ZNF254: variants seen among roughly 807,000 people sequenced by gnomAD.
ZNF254 encodes zinc finger protein 254.
A neutral mutation model predicts 12.4 loss-of-function variants in ZNF254; 10 were observed. The ratio of observed to expected loss-of-function variants is 0.80; its 90% CI spans 0.50 to 1.36. ZNF254 has a LOEUF of 1.36. Among genes scored for constraint, ZNF254 ranks in the 40% most tolerant of loss-of-function variants. The pLI, the probability that ZNF254 is intolerant of heterozygous loss-of-function variation, is 0.00. For missense variants in ZNF254, 996 were observed against 763.9 expected (o/e 1.30, Z -3.58); for synonymous variants, 305 against 253.4 (o/e 1.20, Z -1.93).
chr19:24,052,721 G>A (rs1970694821), intron 2 of ZNF254, among the ~76,000 whole-genome samples: 2 of 152,170 alleles, frequency 1.3e-5, no homozygotes. Flanking sequence ...CCTTAGAGAT[G>A]ATTGTGACAT....
chr19:24,124,251 C>T (rs1025193402), intron 3 of ZNF254, among the ~76,000 whole-genome samples: 3 of 151,906 alleles, frequency 2.0e-5, no homozygotes, highest in South Asian at 4.2e-4. Context: ...CTTATTATAC[C>T]TTCCCTCAAA....
At chr19:24,093,767 A>G (rs937564303) in intron 1 of ZNF254, among the ~76,000 whole-genome samples, 1 of 152,036 alleles carries the variant, frequency 6.6e-6, no homozygotes, top group Admixed American at 6.6e-5. Flanking sequence ...TTGGCTATTC[A>G]GACTCTTTGG....
At chr19:24,122,812 A>G (rs968803334) in intron 3 of ZNF254, among the ~76,000 whole-genome samples, 2 of 148,946 alleles carry the variant, frequency 1.3e-5, no homozygotes, top group East Asian at 3.9e-4. Context: ...TGCTGCAATA[A>G]TTATCACTAT....
At chr19:24,125,939 A>T (rs549469882) in intron 3 of ZNF254, among the ~76,000 whole-genome samples, 1 of 152,360 alleles carries the variant, frequency 6.6e-6, no homozygotes, top group East Asian at 1.9e-4. Context: ...TTGTAAAGAC[A>T]CTATGGTATA....
intron 2 of ZNF254, among the ~76,000 whole-genome samples, chr19:24,055,176 C>A (rs1439633941): frequency 9.1e-6 from 1 of 109,790 alleles, no homozygotes; most frequent in Non-Finnish European, 1.7e-5. Flanking sequence ...GTACTCCAGC[C>A]TGGGTGATAG....
intron 1 of ZNF254, among the ~76,000 whole-genome samples, chr19:24,037,870 G>T (rs1970024838): frequency 6.6e-6 from 1 of 152,082 alleles, no homozygotes; most frequent in African/African-American, 2.4e-5. Context: ...CGGCCTCCCA[G>T]AGTGCTGGGA....
chr19:24,091,469 T>C (rs1051622512), intron 1 of ZNF254, among the ~76,000 whole-genome samples: 2 of 152,150 alleles, frequency 1.3e-5, no homozygotes, highest in African/African-American at 4.8e-5. Flanking sequence ...AACATCTTTG[T>C]TCTATATCCT....
intron 2 of ZNF254, among the ~76,000 whole-genome samples, chr19:24,065,131 T>C (rs192616721): frequency 6.6e-6 from 1 of 152,250 alleles, no homozygotes; most frequent in Non-Finnish European, 1.5e-5. Context: ...CAGAGGGCCT[T>C]GGAATATATT....
chr19:24,106,487 T>A (rs1973347720), intron 2 of ZNF254, 61 bp from the exon 3 acceptor site: 1 of 1,349,286 alleles, frequency 7.4e-7, no homozygotes, highest in Non-Finnish European at 1.0e-6. Context: ...ACTGAGCACA[T>A]TACTAAGTTG....
At chr19:24,089,866 T>A (rs1972259347) in intron 1 of ZNF254, among the ~76,000 whole-genome samples, 1 of 151,432 alleles carries the variant, frequency 6.6e-6, no homozygotes, top group South Asian at 2.1e-4. Context: ...AGAAAAATAG[T>A]AAAAAATTTC....
chr19:24,068,460 C>A (rs537079033), intron 2 of ZNF254, among the ~76,000 whole-genome samples: 1 of 152,108 alleles, frequency 6.6e-6, no homozygotes, highest in African/African-American at 2.4e-5. Flanking sequence ...ATTACCACAC[C>A]GTTCTAATTT....
At chr19:24,087,447 G>A (rs1014867668) in intron 1 of ZNF254, 110 bp downstream of exon 1, 24 of 1,413,952 alleles carry the variant, frequency 1.7e-5, no homozygotes, top group Non-Finnish European at 2.4e-5. Context: ...CACAATCTGC[G>A]CCCAGCTCGA....
intron 2 of ZNF254, among the ~76,000 whole-genome samples, chr19:24,052,280 A>G (rs1390268542): frequency 6.6e-6 from 1 of 152,210 alleles, no homozygotes; most frequent in Non-Finnish European, 1.5e-5. Context: ...TGGCAGGGGA[A>G]CCACCCACAG....
At chr19:24,054,993 G>A (rs1246499105) in intron 2 of ZNF254, among the ~76,000 whole-genome samples, 1 of 151,718 alleles carries the variant, frequency 6.6e-6, no homozygotes, top group Non-Finnish European at 1.5e-5. Context: ...ACGAGGTCAG[G>A]AGTTCAAGAC....
intron 3 of ZNF254, among the ~76,000 whole-genome samples, chr19:24,117,659 T>C (rs1974187064): frequency 6.6e-6 from 1 of 152,082 alleles, no homozygotes; most frequent in Non-Finnish European, 1.5e-5. Context: ...AGTGAGGTAA[T>C]GCCTAGCCCT....
intron 2 of ZNF254, among the ~76,000 whole-genome samples, chr19:24,059,497 A>G (rs1248320636): frequency 6.6e-6 from 1 of 152,166 alleles, no homozygotes; most frequent in African/African-American, 2.4e-5. Flanking sequence ...ACATATTGCT[A>G]GACTGAGAAC....
At chr19:24,110,388 C>A (rs1973594220) in intron 3 of ZNF254, among the ~76,000 whole-genome samples, 1 of 151,878 alleles carries the variant, frequency 6.6e-6, no homozygotes. Context: ...TATGGAGACA[C>A]CCTCTCTACA....
intron 2 of ZNF254, among the ~76,000 whole-genome samples, chr19:24,053,008 C>T (rs1427653417): frequency 6.6e-6 from 1 of 152,136 alleles, no homozygotes; most frequent in Non-Finnish European, 1.5e-5. Flanking sequence ...ACTCAGCACA[C>T]AGGGGAGGTT....
intron 3 of ZNF254, among the ~76,000 whole-genome samples, chr19:24,116,467 CT>C (rs761715971): frequency 2.0e-4 from 31 of 152,196 alleles, no homozygotes; most frequent in Non-Finnish European, 3.5e-4. Flanking sequence ...CACTGATACC[CT>C]TTCTTCCAGG....
Sources: allele counts gnomAD v4.1 joint callset (sites outside exome capture counted in the v4.1 genomes callset), GRCh38; gene constraint gnomAD v4.1.1; transcripts MANE v1.5; gene names NCBI Gene and HGNC (gene_info 2026-07-23, HGNC 2026-07-21).